Variants in CELSR1 observed in about 807,000 individuals in gnomAD.
CELSR1 encodes cadherin EGF LAG seven-pass G-type receptor 1, also known as adhesion G protein-coupled receptor C1.
CELSR1 carries 110 observed loss-of-function variants against 249.1 expected under a neutral mutation model. That is an observed-to-expected ratio of 0.44 (90% CI 0.38 to 0.52). The LOEUF is 0.52. Ranked by LOEUF, CELSR1 falls within the 20% of genes least tolerant of loss-of-function variation. The pLI, the probability that CELSR1 is intolerant of heterozygous loss-of-function variation, is 0.00. For missense variants in CELSR1, 4,109 were observed against 4,296.4 expected (o/e 0.96, Z 1.22); for synonymous variants, 2,113 against 1,900.0 (o/e 1.11, Z -2.92).
rs112875441 is a variant in CELSR1, at chr22:46,481,242, C to CAAA, written c.3545-16900_3545-16898dup. The CAAA allele has an allele frequency of 3.6e-3, 1,028 of 283,884 alleles. 2 individuals are homozygous for CAAA. Among genetic ancestry groups the CAAA allele is most frequent in the East Asian group, 5.6e-3 (74 of 13,280 alleles). 17.6% of individuals were successfully genotyped at this position (283,884 alleles called of 1,614,324 possible). A position where few individuals can be genotyped will look rare whatever the true frequency, so the allele number is the denominator to read the frequency against. On this transcript the variant is annotated intron_variant, in intron 1 of 34. Coordinates refer to ENST00000674500, the MANE Select transcript of CELSR1 (RefSeq NM_001378328.1). ...TGCGCGAAAGAACAAGACCATGTCT[C>CAAA]AAAAAAAAAAAAGACTAAAATTCCC...
chr22:46,418,336 A>C (rs1383913960), intron 5 of CELSR1, among the ~76,000 whole-genome samples: 5 of 152,144 alleles, frequency 3.3e-5, no homozygotes, highest in Admixed American at 6.5e-5. Flanking sequence ...TACAAAAAAA[A>C]TTAGCCAGGC....
In CELSR1 at chr22:46,412,161, C is replaced by G. The variant is rs1410292027; in HGVS notation, c.4612-402G>C. ...GGAGCAGCTGTTTACAAGCCAAGGG[C>G]CACCTGGGCCACCGACAGCTAGGAA... is the stretch of plus-strand genomic sequence containing the variant. On this transcript the variant is annotated intron_variant, in intron 5 of 34. Transcript: ENST00000674500. This position sits in a 1 kb window ranked among gnomAD's most constrained non-coding sequence, Gnocchi z 4.5. 1.3e-5 allele frequency among the ~76,000 whole-genome samples: 2 copies of G among 152,168 alleles called. No homozygotes were observed. Among genetic ancestry groups the G allele is most frequent in the African/African-American group, 4.8e-5 (2 of 41,450 alleles).
In CELSR1 at chr22:46,433,349, C is replaced by T. The variant is rs1026773019; in HGVS notation, c.4611+44G>A. On this transcript the variant is annotated intron_variant, in intron 5 of 34. Transcript: ENST00000674500. The surrounding 1 kb of genome is among the most constrained non-coding windows in gnomAD (Gnocchi z 5.7). Reference sequence around the variant, plus strand: ...TGCGCCTCGCCCCAGGGCACCTTCTCGAGCCGCCCTGGGGCCAGGGGGAAG... The same window carrying T: ...TGCGCCTCGCCCCAGGGCACCTTCTTGAGCCGCCCTGGGGCCAGGGGGAAG... 21 of 1,530,874 alleles carry T rather than the reference C, an allele frequency of 1.4e-5. No homozygotes were observed. The highest frequency in any genetic ancestry group is 2.3e-5 in the East Asian group (1 of 43,374). 94.8% of individuals were successfully genotyped at this position (1,530,874 alleles called of 1,614,324 possible). A position where few individuals can be genotyped will look rare whatever the true frequency, so the allele number is the denominator to read the frequency against.
At chr22:46,377,361 G>T (rs937541816) in intron 23 of CELSR1, 100 bp from the exon 24 acceptor site, 8 of 1,301,302 alleles carry the variant, frequency 6.1e-6, no homozygotes, top group Non-Finnish European at 7.5e-6. Context: ...CTTATGAAAC[G>T]ATCAAGGCTG....
chr22:46,439,199 T>C lies in CELSR1; in HGVS notation c.4396A>G (p.Ile1466Val). The C allele has an allele frequency of 1.2e-6, 2 of 1,612,834 alleles. No individual in the cohort carries two copies. The highest frequency in any genetic ancestry group is 1.7e-6 in the Non-Finnish European group (2 of 1,179,196). The change falls in exon 3 of 35, where the codon ATC becomes GTC. Residue 1466 changes from isoleucine to valine, a missense_variant. By Grantham distance (29) the Ile-to-Val change is conservative. Around this residue, in one of 7 missense-constraint regions of CELSR1, gnomAD observed 453 missense variants for 492.0 expected, o/e 0.92. Transcript: ENST00000674500. ...GGGACGCACACTCACGTGAGGGAGA[T>C]GGTGAAGTGGAAGCGCTGTCTCAGG... ...RGLRQRFHFT[I>V]SLTFATQERN...
chr22:46,424,327 C>A (rs1026021974), intron 5 of CELSR1, among the ~76,000 whole-genome samples: 2 of 152,122 alleles, frequency 1.3e-5, no homozygotes, highest in African/African-American at 4.8e-5. Context: ...AATCCTCCCA[C>A]CTTAGCCTCC....
intron 32 of CELSR1, 34 bp from the exon 33 acceptor site, chr22:46,364,770 G>T: frequency 1.9e-6 from 3 of 1,584,566 alleles, no homozygotes; most frequent in Non-Finnish European, 1.7e-6. Context: ...GCAGGCAGCG[G>T]CACTGCCACT....
chr22:46,518,532 G>A lies in CELSR1; in HGVS notation c.3544+15095C>T, dbSNP rs1377986780. Among the ~76,000 whole-genome samples the A allele has an allele frequency of 6.6e-5, 10 of 152,220 alleles. No homozygotes were observed. Among genetic ancestry groups the A allele is most frequent in the Non-Finnish European group, 1.2e-4 (8 of 68,036 alleles). ...CACACACACAAACATGAAGGCAGGC[G>A]TGGCAGTGGGTTCACTACCCTGCCC... On this transcript the variant is annotated intron_variant, in intron 1 of 34. Transcript: ENST00000674500. This position sits in a 1 kb window ranked among gnomAD's most constrained non-coding sequence, Gnocchi z 5.2.
chr22:46,366,993 C>A lies in CELSR1; in HGVS notation c.8205G>T (p.Thr2735=). The A allele has an allele frequency of 1.2e-6, 2 of 1,609,068 alleles. No individual in the cohort carries two copies. Among genetic ancestry groups the A allele is most frequent in the Admixed American group, 1.7e-5 (1 of 59,828 alleles). ...CCGCGGTGTCCCCGGCGCCTCCTACCGTCAGCAGGGTGGCCCTGGTGGTGG... is the reference window on the plus strand; with the variant it reads ...CCGCGGTGTCCCCGGCGCCTCCTACAGTCAGCAGGGTGGCCCTGGTGGTGG... The part of the protein sequence containing the change: ...DSATTRATLL[T]RSLNCNTTFG... Residue 2735 remains threonine (T), a splice_region_variant and synonymous_variant, in exon 29 of 35, where the codon ACG becomes ACT. Coordinates refer to ENST00000674500, the MANE Select transcript of CELSR1 (RefSeq NM_001378328.1).
intron 1 of CELSR1, among the ~76,000 whole-genome samples, chr22:46,522,529 T>C (rs989222922): frequency 2.0e-4 from 30 of 152,354 alleles, no homozygotes; most frequent in African/African-American, 7.0e-4. Context: ...TTTAATTCCA[T>C]TGTTTTCTTG....
In CELSR1 at chr22:46,407,365, C is replaced by T. The variant is rs1411734407; in HGVS notation, c.5226+1631G>A. Among the ~76,000 whole-genome samples the T allele has an allele frequency of 1.3e-5, 2 of 152,150 alleles. No individual in the cohort carries two copies. The highest frequency in any genetic ancestry group is 2.9e-5 in the Non-Finnish European group (2 of 68,030). On this transcript the variant is annotated intron_variant, in intron 9 of 34. Transcript: ENST00000674500. This position sits in a 1 kb window ranked among gnomAD's most constrained non-coding sequence, Gnocchi z 4.8. The stretch of plus-strand genomic sequence containing the variant: ...CAAACTTGGAGAAAAGCATAAGAGT[C>T]ACATCTGTAATCCCAGCACTTTGGG...
chr22:46,384,432 ACT>A, intron 20 of CELSR1, 109 bp downstream of exon 20: 2 of 1,289,406 alleles, frequency 1.6e-6, no homozygotes, highest in Non-Finnish European at 2.1e-6. Flanking sequence ...CACTCGGAAC[ACT>A]CTGGCCCAGA....
chr22:46,503,787 T>C (rs1196495012), intron 1 of CELSR1, among the ~76,000 whole-genome samples: 1 of 152,186 alleles, frequency 6.6e-6, no homozygotes, highest in Non-Finnish European at 1.5e-5. Flanking sequence ...CCCAGCACTT[T>C]GGGAGGCTGA....
At chr22:46,373,657 A>G (rs1258991106) in intron 24 of CELSR1, among the ~76,000 whole-genome samples, 1 of 80,446 alleles carries the variant, frequency 1.2e-5, no homozygotes, top group East Asian at 4.6e-4. Context: ...GAATGGGGAG[A>G]TGGGGGAGAA....
At position 46,463,822 on chromosome 22, in the gene CELSR1, G is replaced by A. The variant is rs567234910; in HGVS notation, c.4068C>T (p.Thr1356=). Reference sequence around the variant, plus strand: ...CGATCTCCGTCTCGCAGTAGTCGCCGGTGAAGCCGGGCGGGCAGCGGCAGC... The same window carrying A: ...CGATCTCCGTCTCGCAGTAGTCGCCAGTGAAGCCGGGCGGGCAGCGGCAGC... ...GLRCRCPPGF[T]GDYCETEIDL... The change falls in exon 2 of 35, where the codon ACC becomes ACT. Residue 1356 remains threonine, a synonymous_variant. Coordinates refer to ENST00000674500, the MANE Select transcript of CELSR1 (RefSeq NM_001378328.1). 72 of 1,611,062 alleles carry A rather than the reference G, an allele frequency of 4.5e-5. No individual in the cohort carries two copies. The highest frequency in any genetic ancestry group is 1.7e-4 in the Middle Eastern group (1 of 6,054).
rs114227822 is a variant in CELSR1 at position 46,458,166 on chromosome 22, G to A, written c.4183+5541C>T. Among the ~76,000 whole-genome samples, 1,064 of 152,278 alleles carry A rather than the reference G, an allele frequency of 7.0e-3. 8 individuals carry two copies. Among genetic ancestry groups the A allele is most frequent in the African/African-American group, 0.024 (1,006 of 41,558 alleles). On this transcript the variant is annotated intron_variant, in intron 2 of 34. Coordinates refer to ENST00000674500, the MANE Select transcript of CELSR1 (RefSeq NM_001378328.1). ...GGAAGACCTGGGGGAAGGTGCGCTG[G>A]AGGGGCAAGCACCACGGTGAGAGAG...
chr22:46,472,632 C>T lies in CELSR1; in HGVS notation c.3545-8287G>A, dbSNP rs187702320. On this transcript the variant is annotated intron_variant, in intron 1 of 34. Transcript: ENST00000674500. This position sits in a 1 kb window ranked among gnomAD's most constrained non-coding sequence, Gnocchi z 7.0. ...CATGGGGACGGGTGGCATCAGCTCC[C>T]GGGGCCGTCGGAGCAAAGGGCCGCC... 5.9e-5 allele frequency among the ~76,000 whole-genome samples: 9 copies of T among 152,318 alleles called. No individual in the cohort carries two copies. In the East Asian group the frequency reaches 1.7e-3, roughly 29 times the overall value.
intron 1 of CELSR1, among the ~76,000 whole-genome samples, chr22:46,513,391 A>T (rs2080593243): frequency 6.6e-6 from 1 of 152,158 alleles, no homozygotes; most frequent in East Asian, 1.9e-4. Context: ...GGACACTTAA[A>T]CCAGCCCACA....
intron 1 of CELSR1, among the ~76,000 whole-genome samples, chr22:46,469,998 G>GGATGAGGGGAGGGAGGGAGGGA (rs1569186678): frequency 7.8e-6 from 1 of 128,414 alleles, no homozygotes; most frequent in Non-Finnish European, 1.7e-5. Context: ...GAGGGAGGGA[G>GGATGAGGGGAGGGAGGGAGGGA]GGAGAGGCAA....
Sources: allele counts gnomAD v4.1 joint callset (sites outside exome capture counted in the v4.1 genomes callset), GRCh38; gene constraint gnomAD v4.1.1; regional missense constraint gnomAD v4.1.1; non-coding constraint Gnocchi (gnomAD v3.1); transcripts MANE v1.5; gene names NCBI Gene and HGNC (gene_info 2026-07-23, HGNC 2026-07-21).